The following TTC3 variants were observed in gnomAD, a reference collection of about 807,000 sequenced individuals.
TTC3 encodes E3 ubiquitin-protein ligase TTC3.
In TTC3, 180 loss-of-function variants were observed where a neutral mutation model predicts 249.6. The ratio of observed to expected loss-of-function variants is 0.72; its 90% confidence interval spans 0.64 to 0.82. The LOEUF is 0.82. Among genes scored for constraint, TTC3 ranks in the 40% least tolerant of loss-of-function variants. The probability of loss-of-function intolerance (pLI) is 0.00; values close to 1 mark genes in which losing one functional copy is unlikely to be tolerated. For missense variants in TTC3, 2,061 were observed against 2,398.4 expected, an observed-to-expected ratio of 0.86 and a Z score of 2.94; for synonymous variants, 717 against 805.0, an observed-to-expected ratio of 0.89 and a Z score of 1.85.
At chr21:37,128,970 A>G (rs371165724) in intron 15 of TTC3, 33 bp from the exon 16 acceptor site, 55 of 1,497,108 alleles carry the variant, frequency 3.7e-5, no homozygotes, top group Non-Finnish European at 4.9e-5. Context: ...TTTTATGTAC[A>G]GATTTTAGGA....
At chr21:37,146,380 A>G (rs1238171329) in intron 21 of TTC3, among the ~76,000 whole-genome samples, 1 of 152,124 alleles carries the variant, frequency 6.6e-6, no homozygotes, top group African/African-American at 2.4e-5. Flanking sequence ...TTAGCCAAAC[A>G]TAGTGGCACA....
chr21:37,138,138 T>G (rs1045413400), intron 18 of TTC3, among the ~76,000 whole-genome samples: 1 of 152,218 alleles, frequency 6.6e-6, no homozygotes, highest in African/African-American at 2.4e-5. Flanking sequence ...CATTGTTTAA[T>G]GGACGTAATG....
chr21:37,123,145 A>G, intron 13 of TTC3, 117 bp downstream of exon 13: 8 of 1,062,320 alleles, frequency 7.5e-6, no homozygotes, highest in Non-Finnish European at 1.1e-5. Flanking sequence ...AAAGTTGGAG[A>G]TGGAAGGAAG....
Position 37,201,458 on chromosome 21 carries a change from A to T in TTC3, c.5962A>T (p.Lys1988Ter), listed in dbSNP as rs748116543. 1.9e-6 allele frequency: 3 copies of T among 1,613,958 alleles called. No homozygotes were observed. The highest frequency in any genetic ancestry group is 2.5e-6 in the Non-Finnish European group (3 of 1,180,034). The change falls in exon 46 of 46, where the codon AAA becomes TAA. Residue 1988 changes from lysine to a stop codon, truncating the protein, a stop_gained. Coordinates refer to ENST00000355666, the Ensembl canonical transcript of TTC3. LOFTEE classifies it low-confidence loss of function (END_TRUNC). Reference sequence around the variant, plus strand: ...TTTTCAGTGCTTTAAGCAGTGGCTTAAAGGGCAGAGCGCTTGCCCGGCCTG... The same window carrying T: ...TTTTCAGTGCTTTAAGCAGTGGCTTTAAGGGCAGAGCGCTTGCCCGGCCTG...
chr21:37,084,605 C>T (rs578029679), intron 1 of TTC3, among the ~76,000 whole-genome samples: 50 of 152,302 alleles, frequency 3.3e-4, no homozygotes, highest in Non-Finnish European at 2.5e-4. Context: ...CAAGATCACA[C>T]ACCCAAGGAA....
intron 1 of TTC3, among the ~76,000 whole-genome samples, chr21:37,078,287 A>G (rs2071173531): frequency 6.6e-6 from 1 of 152,034 alleles, no homozygotes; most frequent in Admixed American, 6.5e-5. Flanking sequence ...GAGGACTTGA[A>G]TCTCACCTAT....
chr21:37,202,145 A>G (rs554015215), exon 46 of TTC3: 1 of 152,282 alleles, frequency 6.6e-6, no homozygotes, highest in South Asian at 2.1e-4. Context: ...AAAAGATTCA[A>G]ATCTCCTCTT....
At chr21:37,106,372 G>A (rs537287585) in intron 10 of TTC3, among the ~76,000 whole-genome samples, 1 of 152,084 alleles carries the variant, frequency 6.6e-6, no homozygotes, top group Admixed American at 6.5e-5. Flanking sequence ...CCTTTTCACT[G>A]TTGATGTTTT....
chr21:37,185,214 G>A (rs992195106), intron 36 of TTC3, among the ~76,000 whole-genome samples: 25 of 152,350 alleles, frequency 1.6e-4, no homozygotes, highest in Admixed American at 3.9e-4. Flanking sequence ...CTCAAGAATC[G>A]GAGATTCACA....
chr21:37,117,530 T>A (rs2076235476), intron 11 of TTC3, among the ~76,000 whole-genome samples: 1 of 152,172 alleles, frequency 6.6e-6, no homozygotes, highest in South Asian at 2.1e-4. Context: ...ACCCAAACCA[T>A]GATACTGGTT....
At chr21:37,197,429 G>T in intron 42 of TTC3, 141 bp from the exon 43 acceptor site, 2 of 948,410 alleles carry the variant, frequency 2.1e-6, no homozygotes, top group Non-Finnish European at 1.6e-6. Flanking sequence ...AGTTATTGTT[G>T]TTATCAGTGG....
chr21:37,155,414 G>T (rs1006278558), intron 27 of TTC3, among the ~76,000 whole-genome samples: 3 of 152,142 alleles, frequency 2.0e-5, no homozygotes, highest in African/African-American at 7.2e-5. Flanking sequence ...ACGTGGATAG[G>T]GAACGGGAAT....
chr21:37,078,910 A>C (rs1010242645), intron 1 of TTC3, among the ~76,000 whole-genome samples: 1 of 152,188 alleles, frequency 6.6e-6, no homozygotes, highest in Non-Finnish European at 1.5e-5. Flanking sequence ...TTTAAAGAGA[A>C]TATTTCTCAG....
At chr21:37,075,013 C>T (rs1387172800) in intron 1 of TTC3, among the ~76,000 whole-genome samples, 1 of 152,116 alleles carries the variant, frequency 6.6e-6, no homozygotes, top group African/African-American at 2.4e-5. Flanking sequence ...TCCTTCCCCT[C>T]CTTTTCTAGA....
At chr21:37,145,706 C>T (rs143409272) in intron 21 of TTC3, among the ~76,000 whole-genome samples, 7 of 152,206 alleles carry the variant, frequency 4.6e-5, no homozygotes, top group Non-Finnish European at 5.9e-5. Context: ...GGTGTCAGCA[C>T]CTGCTGGTGA....
intron 8 of TTC3, 52 bp from the exon 9 acceptor site, chr21:37,095,298 T>C: frequency 8.1e-7 from 1 of 1,229,642 alleles, no homozygotes; most frequent in Admixed American, 2.1e-5. Flanking sequence ...TATTGGGTTC[T>C]TGATGATTTT....
intron 36 of TTC3, 46 bp downstream of exon 36, chr21:37,182,959 T>C: frequency 2.1e-6 from 3 of 1,427,464 alleles, no homozygotes; most frequent in Non-Finnish European, 2.8e-6. Context: ...AAAAAAAATA[T>C]TGTGGCTTTT....
chr21:37,121,858 A>G lies in TTC3; in HGVS notation c.942A>G (p.Glu314=), dbSNP rs2076610500. Residue 314 remains glutamate, a synonymous_variant, in exon 12 of 46, where the codon GAA becomes GAG. Coordinates refer to ENST00000355666, the Ensembl canonical transcript of TTC3. ...GTGATGCTCTTTCTATGCTGGGGGA[A>G]TATGACTGGGCCCTGCAAGCAAACA... is the stretch of plus-strand genomic sequence containing the variant. 1.9e-6 allele frequency: 3 copies of G among 1,610,358 alleles called. No homozygotes were observed. The South Asian group carries it at 3.3e-5, about 18-fold the overall frequency.
chr21:37,140,726 C>A, intron 20 of TTC3, 53 bp downstream of exon 20: 1 of 1,229,142 alleles, frequency 8.1e-7, no homozygotes, highest in Non-Finnish European at 1.1e-6. Context: ...CATTTAAAAT[C>A]CAATGTGATA....
Sources: gnomAD v4.1 joint callset for allele counts (sites outside exome capture counted in the v4.1 genomes callset) on GRCh38, gnomAD v4.1.1 for gene constraint, MANE v1.5 for transcripts, NCBI Gene and HGNC (gene_info 2026-07-23, HGNC 2026-07-21) for gene names.